Variants in FAXC observed in about 807,000 individuals in gnomAD.
FAXC encodes the protein failed axon connections homolog, metaxin like GST domain containing.
Under a neutral mutation model 41.9 loss-of-function variants are expected in FAXC, and 10 were observed. That is an observed-to-expected ratio of 0.24 (90% CI 0.15 to 0.41). The LOEUF (loss-of-function observed/expected upper bound fraction) is 0.41, where lower values mean the gene tolerates loss of function less well. Among genes scored for constraint, FAXC ranks in the 10% least tolerant of loss-of-function variants. The pLI is 1.00. For missense variants in FAXC, 399 were observed against 510.9 expected, an observed-to-expected ratio of 0.78 and a Z score of 2.11; for synonymous variants, 183 against 183.8, an observed-to-expected ratio of 1.00 and a Z score of 0.03.
In FAXC at chr6:99,280,430, T is replaced by C. The variant is rs1770782297; in HGVS notation, c.*734A>G. 1 of 152,266 alleles carries C rather than the reference T, an allele frequency of 6.6e-6. No homozygotes were observed. Among genetic ancestry groups the C allele is most frequent in the African/African-American group, 2.4e-5 (1 of 41,458 alleles). The allele number at this position is 152,266 out of a possible 1,614,324, so 9.4% of individuals were successfully genotyped here. Reference sequence around the variant, plus strand: ...AAATGCTGTGTTTATGTCGCACCACTTCTAAGAGGTTTAAAGCGCCGTACG... The same window carrying C: ...AAATGCTGTGTTTATGTCGCACCACCTCTAAGAGGTTTAAAGCGCCGTACG... On this transcript the variant is annotated 3_prime_UTR_variant, in exon 6 of 6. Coordinates refer to ENST00000389677, the MANE Select transcript of FAXC (RefSeq NM_032511.4).
chr6:99,279,475 T>C lies in FAXC; in HGVS notation c.*1689A>G, dbSNP rs1270860504. On this transcript the variant is annotated 3_prime_UTR_variant, in exon 6 of 6. Coordinates refer to ENST00000389677, the MANE Select transcript of FAXC (RefSeq NM_032511.4). ...TATTCAAAAAGAGGTTTTTTTTTTT[T>C]CAAGTAAAGTGCATGGATTTCTCAG... 5.3e-5 allele frequency: 8 copies of C among 151,076 alleles called. No individual in the cohort carries two copies. The highest frequency in any genetic ancestry group is 1.3e-4 in the Admixed American group (2 of 15,114). The allele number at this position is 151,076 out of a possible 1,614,324, so 9.4% of individuals were successfully genotyped here. A position where few individuals can be genotyped will look rare whatever the true frequency, so the allele number is the denominator to read the frequency against.
At chr6:99,311,786 T>C (rs1197041850) in intron 4 of FAXC, among the ~76,000 whole-genome samples, 1 of 152,162 alleles carries the variant, frequency 6.6e-6, no homozygotes, top group Non-Finnish European at 1.5e-5. Context: ...GTCTTAAAAT[T>C]CTGCCTTACC....
At position 99,303,321 on chromosome 6, in the gene FAXC, C is replaced by T. The variant is rs190527238; in HGVS notation, c.824-11501G>A. On this transcript the variant is annotated intron_variant, in intron 4 of 5. Coordinates refer to ENST00000389677, the MANE Select transcript of FAXC (RefSeq NM_032511.4). Reference sequence around the variant, plus strand: ...AGTACCCAGCCCAGTGCCCAGTATACTGTAGGTGTTCAGTAAATATACTTA... The same window carrying T: ...AGTACCCAGCCCAGTGCCCAGTATATTGTAGGTGTTCAGTAAATATACTTA... Among the ~76,000 whole-genome samples, 7 of 152,316 alleles carry T rather than the reference C, an allele frequency of 4.6e-5. No homozygotes were observed. In the East Asian group the frequency reaches 1.4e-3, roughly 29 times the overall value.
At chr6:99,289,199 C>T (rs971742520) in intron 5 of FAXC, among the ~76,000 whole-genome samples, 8 of 152,160 alleles carry the variant, frequency 5.3e-5, no homozygotes, top group African/African-American at 1.9e-4. Context: ...ACTTTGATCC[C>T]CACATCCCTG....
chr6:99,326,716 C>T (rs221524), intron 3 of FAXC, among the ~76,000 whole-genome samples: 17,915 of 152,090 alleles, frequency 0.12, 1,999 homozygotes, highest in East Asian at 0.39. Flanking sequence ...GAAGGCCAGG[C>T]TGAAAGAGGC....
chr6:99,287,471 T>C (rs867916594), intron 5 of FAXC, among the ~76,000 whole-genome samples: 1 of 152,212 alleles, frequency 6.6e-6, no homozygotes, highest in Non-Finnish European at 1.5e-5. Flanking sequence ...TGCATACATA[T>C]GTATATTCAA....
chr6:99,298,231 T>C (rs1305219987), intron 4 of FAXC, among the ~76,000 whole-genome samples: 2 of 3,746 alleles, frequency 5.3e-4, no homozygotes, highest in Non-Finnish European at 9.2e-4. Flanking sequence ...CTGGAAGGCT[T>C]TTTTTTTTTT....
chr6:99,281,672 CT>C (rs1331886475), intron 5 of FAXC, among the ~76,000 whole-genome samples: 3 of 152,310 alleles, frequency 2.0e-5, no homozygotes, highest in South Asian at 4.1e-4. Context: ...TGCCTTCCCC[CT>C]TTTACCATGT....
Position 99,323,555 on chromosome 6 carries a change from T to A in FAXC, c.712A>T (p.Thr238Ser), listed in dbSNP as rs1365324801. Residue 238 changes from threonine (T) to serine (S), a missense_variant, in exon 4 of 6, where the codon ACG (threonine) becomes TCG (serine). Thr to Ser is a moderately conservative substitution (Grantham distance 58, BLOSUM62 1). This residue lies in a region of FAXC where 239 missense variants were observed against 352.7 expected (regional missense o/e 0.68). Transcript: ENST00000389677. ...NLLRWVVCHI[T>S]KGIVKREMHG... Reference sequence around the variant, plus strand: ...ATCTCGCGTTTCACAATTCCTTTCGTTATGTGGCACACAACCCACCTCAGC... The same window carrying A: ...ATCTCGCGTTTCACAATTCCTTTCGATATGTGGCACACAACCCACCTCAGC... 15 of 1,614,108 alleles carry A rather than the reference T, an allele frequency of 9.3e-6. No homozygotes were observed. Among genetic ancestry groups the A allele is most frequent in the Non-Finnish European group, 1.2e-5 (14 of 1,180,058 alleles).
At chr6:99,299,350 T>C (rs1771616627) in intron 4 of FAXC, among the ~76,000 whole-genome samples, 1 of 152,198 alleles carries the variant, frequency 6.6e-6, no homozygotes, top group Non-Finnish European at 1.5e-5. Flanking sequence ...GAGACAAGAC[T>C]GGCTGTGCTA....
intron 1 of FAXC, among the ~76,000 whole-genome samples, chr6:99,347,220 G>A (rs770632209): frequency 9.2e-5 from 14 of 152,010 alleles, no homozygotes; most frequent in Non-Finnish European, 1.8e-4. Flanking sequence ...TGGCCAACAC[G>A]GTGAAACCCT....
intron 2 of FAXC, among the ~76,000 whole-genome samples, chr6:99,334,429 G>T (rs1773142287): frequency 6.6e-6 from 1 of 152,162 alleles, no homozygotes; most frequent in African/African-American, 2.4e-5. Flanking sequence ...ACTGGGTCAA[G>T]ATTTCACCCC....
intron 5 of FAXC, among the ~76,000 whole-genome samples, chr6:99,288,477 A>T (rs1323671463): frequency 6.6e-6 from 1 of 152,250 alleles, no homozygotes; most frequent in Non-Finnish European, 1.5e-5. Flanking sequence ...TATAAAACAC[A>T]GCCCTAAATG....
intron 2 of FAXC, among the ~76,000 whole-genome samples, chr6:99,339,151 G>A (rs531905637): frequency 2.0e-5 from 3 of 152,264 alleles, no homozygotes; most frequent in East Asian, 1.9e-4. Context: ...TCATTATTGG[G>A]GCAGGCAAAA....
At chr6:99,320,867 A>G (rs1730058761) in intron 4 of FAXC, among the ~76,000 whole-genome samples, 1 of 152,142 alleles carries the variant, frequency 6.6e-6, no homozygotes, top group African/African-American at 2.4e-5. Flanking sequence ...ATTTCATCCC[A>G]GAGCACCAAG....
At chr6:99,340,289 T>C (rs1773376059) in intron 2 of FAXC, among the ~76,000 whole-genome samples, 1 of 152,066 alleles carries the variant, frequency 6.6e-6, no homozygotes, top group Non-Finnish European at 1.5e-5. Flanking sequence ...TTAATAGAGA[T>C]GGGGTTTCAC....
At position 99,280,284 on chromosome 6, in the gene FAXC, A is replaced by C. The variant is rs542119774; in HGVS notation, c.*880T>G. ...CAGAAAGGAATCATGACAAAGTCCT[A>C]AGTGTACCTTTGTGTGTATTTCATC... is the stretch of plus-strand genomic sequence containing the variant. On this transcript the variant is annotated 3_prime_UTR_variant, in exon 6 of 6. Coordinates refer to ENST00000389677, the MANE Select transcript of FAXC (RefSeq NM_032511.4). The C allele has an allele frequency of 6.6e-6, 1 of 152,354 alleles. No individual in the cohort carries two copies. Among genetic ancestry groups the C allele is most frequent in the Admixed American group, 6.5e-5 (1 of 15,308 alleles). 9.4% of individuals were successfully genotyped at this position (152,354 alleles called of 1,614,324 possible). A position where few individuals can be genotyped will look rare whatever the true frequency, so the allele number is the denominator to read the frequency against.
intron 2 of FAXC, among the ~76,000 whole-genome samples, chr6:99,337,533 C>T (rs1773257683): frequency 6.6e-6 from 1 of 152,138 alleles, no homozygotes. Context: ...AGGTAATTTT[C>T]ACTTTCCACA....
At chr6:99,311,620 T>C (rs924945035) in intron 4 of FAXC, among the ~76,000 whole-genome samples, 2 of 152,106 alleles carry the variant, frequency 1.3e-5, no homozygotes, top group African/African-American at 4.8e-5. Context: ...AATAAAATCA[T>C]GAAACCATTA....
Sources: allele counts gnomAD v4.1 joint callset (sites outside exome capture counted in the v4.1 genomes callset), GRCh38; gene constraint gnomAD v4.1.1; regional missense constraint gnomAD v4.1.1; transcripts MANE v1.5; gene names NCBI Gene and HGNC (gene_info 2026-07-23, HGNC 2026-07-21).